Variants in KCNH1 observed in about 807,000 individuals in gnomAD.
KCNH1 encodes the protein potassium voltage-gated channel subfamily H member 1, also known as voltage-gated delayed rectifier potassium channel KCNH1.
A neutral mutation model predicts 69.2 loss-of-function variants in KCNH1; 27 were observed. The ratio of observed to expected loss-of-function variants is 0.39; its 90% CI spans 0.29 to 0.54. The LOEUF (loss-of-function observed/expected upper bound fraction) is 0.54, where lower values mean the gene tolerates loss of function less well. Ranked by LOEUF, KCNH1 falls within the 20% of genes least tolerant of loss-of-function variation. The pLI, the probability that KCNH1 is intolerant of heterozygous loss-of-function variation, is 0.68. For missense variants in KCNH1, 798 were observed against 1,261.6 expected, an observed-to-expected ratio of 0.63 and a Z score of 5.57; for synonymous variants, 456 against 487.7, an observed-to-expected ratio of 0.93 and a Z score of 0.86.
At chr1:211,008,998 A>G (rs1393028) in intron 6 of KCNH1, among the ~76,000 whole-genome samples, 53,779 of 152,022 alleles carry the variant, frequency 0.35, 9,890 homozygotes, top group Non-Finnish European at 0.38. Context: ...TGAAGTGAGA[A>G]GAAAGGCCAT....
At chr1:210,953,413 A>T (rs1688101188) in intron 6 of KCNH1, among the ~76,000 whole-genome samples, 2 of 152,164 alleles carry the variant, frequency 1.3e-5, no homozygotes. Flanking sequence ...GAAGCTTTTC[A>T]ATCCTTGTGT....
intron 10 of KCNH1, among the ~76,000 whole-genome samples, chr1:210,751,229 A>G (rs531057556): frequency 1.3e-5 from 2 of 152,174 alleles, no homozygotes; most frequent in Non-Finnish European, 2.9e-5. Flanking sequence ...GGAGCAGAAG[A>G]GAGAGAAGGT....
rs367673364 is a variant in KCNH1, at chr1:210,924,458, T to C, written c.1033-4389A>G. Among the ~76,000 whole-genome samples the C allele has an allele frequency of 4.4e-4, 67 of 152,334 alleles. 2 individuals are homozygous for C. The South Asian group carries it at 0.013, about 30-fold the overall frequency. On this transcript the variant is annotated intron_variant, in intron 6 of 10. Transcript: ENST00000271751. ...TGTACATTGATACTCTATTACATGG[T>C]TGTTGTGTAAGTTCTCTTTGAATGC...
At position 210,746,963 on chromosome 1, in the gene KCNH1, T is replaced by C. The variant is rs898041398; in HGVS notation, c.2112+28385A>G. Among the ~76,000 whole-genome samples the C allele has an allele frequency of 1.5e-4, 23 of 152,210 alleles. 1 individual carries two copies. Among genetic ancestry groups the C allele is most frequent in the African/African-American group, 4.8e-4 (20 of 41,446 alleles). ...TTGTTGACTTCAGCACAGCCCTCTC[T>C]GGCTTTGGGAATCTTCTGTCCAGTA... On this transcript the variant is annotated intron_variant, in intron 10 of 10. Transcript: ENST00000271751.
At chr1:210,813,884 C>A (rs1183061828) in intron 7 of KCNH1, among the ~76,000 whole-genome samples, 1 of 152,132 alleles carries the variant, frequency 6.6e-6, no homozygotes, top group African/African-American at 2.4e-5. Context: ...GTGAATAAGT[C>A]TCATGAGATC....
At chr1:210,784,431 G>T (rs867882295) in intron 9 of KCNH1, among the ~76,000 whole-genome samples, 2 of 152,148 alleles carry the variant, frequency 1.3e-5, no homozygotes, top group Non-Finnish European at 2.9e-5. Flanking sequence ...ACTTGTTTTC[G>T]CATGTAAGTA....
chr1:211,049,734 GAC>G (rs902712938), intron 5 of KCNH1, among the ~76,000 whole-genome samples: 4 of 152,272 alleles, frequency 2.6e-5, no homozygotes, highest in Admixed American at 6.5e-5. Context: ...AGAAAGAAAA[GAC>G]ACAGGCTTGA....
intron 7 of KCNH1, among the ~76,000 whole-genome samples, chr1:210,825,008 T>C (rs971548100): frequency 1.3e-5 from 2 of 152,222 alleles, no homozygotes; most frequent in Non-Finnish European, 2.9e-5. Flanking sequence ...ACTATTGAAC[T>C]CACAGTGGCA....
chr1:210,885,413 G>T (rs959499134), intron 7 of KCNH1, among the ~76,000 whole-genome samples: 5 of 152,218 alleles, frequency 3.3e-5, no homozygotes, highest in Non-Finnish European at 5.9e-5. Flanking sequence ...TTCACAACCT[G>T]CAGACCAAGA....
chr1:210,713,840 C>A (rs1259922489), intron 10 of KCNH1, among the ~76,000 whole-genome samples: 1 of 152,080 alleles, frequency 6.6e-6, no homozygotes, highest in Non-Finnish European at 1.5e-5. Context: ...ATTCAGAGGT[C>A]AACTACACAA....
chr1:210,919,352 A>G lies in KCNH1; in HGVS notation c.1462+288T>C. On this transcript the variant is annotated intron_variant, in intron 7 of 10. Transcript: ENST00000271751. This position sits in a 1 kb window ranked among gnomAD's most constrained non-coding sequence, Gnocchi z 4.2. ...AAATCTATATGTATTCAGATATGCA[A>G]AGAAAATAGTCTGTAAGAGAAGACA... is the stretch of plus-strand genomic sequence containing the variant. 1 of 334,828 alleles carries G rather than the reference A, an allele frequency of 3.0e-6. No individual in the cohort carries two copies. The highest frequency in any genetic ancestry group is 5.5e-6 in the Non-Finnish European group (1 of 182,314). The allele number at this position is 334,828 out of a possible 1,614,324, so 20.7% of individuals were successfully genotyped here.
chr1:210,947,709 T>C (rs979307663), intron 6 of KCNH1, among the ~76,000 whole-genome samples: 3 of 152,020 alleles, frequency 2.0e-5, no homozygotes, highest in Non-Finnish European at 4.4e-5. Flanking sequence ...TAACCAACAA[T>C]AGAAGAATTG....
At chr1:211,010,264 C>G (rs960262425) in intron 6 of KCNH1, among the ~76,000 whole-genome samples, 5 of 151,990 alleles carry the variant, frequency 3.3e-5, no homozygotes, top group Non-Finnish European at 7.4e-5. Context: ...AGGTGACAGC[C>G]CAATCACAGT....
Position 210,991,450 on chromosome 1 carries a change from T to A in KCNH1, c.1032+27333A>T, listed in dbSNP as rs530993708. Among the ~76,000 whole-genome samples, 25 of 152,188 alleles carry A rather than the reference T, an allele frequency of 1.6e-4. 1 individual carries two copies. The East Asian group carries it at 4.8e-3, about 29-fold the overall frequency. On this transcript the variant is annotated intron_variant, in intron 6 of 10. Coordinates refer to ENST00000271751, the MANE Select transcript of KCNH1 (RefSeq NM_172362.3). ...GAGTAGAATGGTGGTTAACAGAGGC[T>A]GAGGAGGCAGGGGGAGTGGAGGAGA...
rs537839994 is a variant in KCNH1, at chr1:211,123,592, G to A, written c.79+10275C>T. Among the ~76,000 whole-genome samples, 4 of 152,168 alleles carry A rather than the reference G, an allele frequency of 2.6e-5. No individual in the cohort carries two copies. In the South Asian group the frequency reaches 6.2e-4, roughly 24 times the overall value. ...AGACAGATGGAAGACGGTGACAGAC[G>A]GTGACACAGACTAAAGGTAGACAGT... is the stretch of plus-strand genomic sequence containing the variant. On this transcript the variant is annotated intron_variant, in intron 1 of 10. Transcript: ENST00000271751.
intron 6 of KCNH1, among the ~76,000 whole-genome samples, chr1:210,956,262 C>A (rs1411929278): frequency 6.6e-6 from 1 of 152,136 alleles, no homozygotes; most frequent in African/African-American, 2.4e-5. Flanking sequence ...CCAACTTGAT[C>A]ATGGTGGAAA....
At chr1:211,002,126 C>A (rs555565334) in intron 6 of KCNH1, among the ~76,000 whole-genome samples, 166 of 151,908 alleles carry the variant, frequency 1.1e-3, no homozygotes, top group African/African-American at 3.9e-3. Flanking sequence ...CAAACCTGCA[C>A]GTTGTGCACA....
intron 7 of KCNH1, among the ~76,000 whole-genome samples, chr1:210,911,934 C>T (rs776867601): frequency 2.0e-5 from 3 of 152,098 alleles, no homozygotes; most frequent in African/African-American, 4.8e-5. Flanking sequence ...CTGCATCCCC[C>T]GACCAAACAC....
chr1:210,755,130 CAGAG>C (rs1482951760), intron 10 of KCNH1, among the ~76,000 whole-genome samples: 1 of 149,490 alleles, frequency 6.7e-6, no homozygotes, highest in Non-Finnish European at 1.5e-5. Flanking sequence ...CCGACAGTGG[CAGAG>C]AGGGAAGTAG....
Sources: allele counts gnomAD v4.1 joint callset (sites outside exome capture counted in the v4.1 genomes callset), GRCh38; gene constraint gnomAD v4.1.1; non-coding constraint Gnocchi (gnomAD v3.1); transcripts MANE v1.5; gene names NCBI Gene and HGNC (gene_info 2026-07-23, HGNC 2026-07-21).